The following NFAT5 variants were observed in gnomAD, a reference collection of about 807,000 sequenced individuals.
NFAT5 encodes the protein nuclear factor of activated T-cells 5.
NFAT5 carries 31 observed loss-of-function variants against 166.5 expected under a neutral mutation model. That is an observed-to-expected ratio of 0.19 (90% CI 0.14 to 0.25). The LOEUF is 0.25. NFAT5 is among the 10% of genes least tolerant of loss of function. The pLI is 1.00. For missense variants in NFAT5, 1,449 were observed against 1,821.8 expected (o/e 0.80, Z 3.72); for synonymous variants, 612 against 639.7 (o/e 0.96, Z 0.65).
intron 2 of NFAT5, among the ~76,000 whole-genome samples, chr16:69,583,533 A>G (rs564809128): frequency 6.6e-6 from 1 of 152,214 alleles, no homozygotes; most frequent in Non-Finnish European, 1.5e-5. Flanking sequence ...GTATTTAAAC[A>G]CAAGATTATG....
chr16:69,654,006 G>A (rs1225000523), intron 5 of NFAT5, among the ~76,000 whole-genome samples: 1 of 151,244 alleles, frequency 6.6e-6, no homozygotes, highest in Non-Finnish European at 1.5e-5. Flanking sequence ...AGTACAGGAG[G>A]AAAGAAGGAA....
chr16:69,684,162 G>A (rs1324565699), intron 10 of NFAT5, among the ~76,000 whole-genome samples: 1 of 151,606 alleles, frequency 6.6e-6, no homozygotes, highest in Non-Finnish European at 1.5e-5. Flanking sequence ...AAGAGGCTGA[G>A]GCAGGAGAAT....
intron 1 of NFAT5, among the ~76,000 whole-genome samples, chr16:69,567,405 G>C (rs1359686147): frequency 6.6e-6 from 1 of 152,036 alleles, no homozygotes; most frequent in Non-Finnish European, 1.5e-5. Flanking sequence ...CGCTCTTTAC[G>C]CTTTTTAAAC....
At chr16:69,598,927 T>G (rs2032966798) in intron 2 of NFAT5, among the ~76,000 whole-genome samples, 1 of 149,074 alleles carries the variant, frequency 6.7e-6, no homozygotes, top group Non-Finnish European at 1.5e-5. Context: ...GGCAGGAAAA[T>G]CACTTGAACC....
At chr16:69,576,291 C>CAAAA (rs35557444) in intron 2 of NFAT5, among the ~76,000 whole-genome samples, 8 of 55,284 alleles carry the variant, frequency 1.4e-4, no homozygotes, top group Admixed American at 2.0e-4. Flanking sequence ...GACTCGGTCT[C>CAAAA]AAAAAAAAAA....
At chr16:69,631,867 T>A (rs1034275228) in intron 3 of NFAT5, among the ~76,000 whole-genome samples, 1 of 152,212 alleles carries the variant, frequency 6.6e-6, no homozygotes, top group Non-Finnish European at 1.5e-5. Context: ...CTTGGTTGAA[T>A]ATCTCCACTT....
intron 9 of NFAT5, among the ~76,000 whole-genome samples, chr16:69,674,041 G>A (rs1010697532): frequency 1.3e-5 from 2 of 151,762 alleles, no homozygotes; most frequent in African/African-American, 4.8e-5. Flanking sequence ...TCAGGAGTTC[G>A]CGACCAGCCT....
At chr16:69,649,376 T>C (rs1357049354) in intron 4 of NFAT5, 1 of 975,582 alleles carries the variant, frequency 1.0e-6, no homozygotes, top group Non-Finnish European at 1.2e-6. Context: ...TAGTAAACAG[T>C]GATTTGCAGT....
intron 2 of NFAT5, among the ~76,000 whole-genome samples, chr16:69,568,848 T>G (rs2016268412): frequency 6.6e-6 from 1 of 152,126 alleles, no homozygotes; most frequent in Non-Finnish European, 1.5e-5. Context: ...ATACACAAAA[T>G]AGAATGTGAA....
At position 69,566,362 on chromosome 16, in the gene NFAT5, C is replaced by G. The variant is rs1446064662; in HGVS notation, c.61C>G (p.Leu21Val). Reference protein sequence around the residue: ...ADLDLESPKSLYSRDSLKLHP... With the variant: ...ADLDLESPKSVYSRDSLKLHP... ...CCTAGACCTGGAATCGCCCAAGTCC[C>G]TCTACTCGCGAGGTGAGTCAGGCTG... The change falls in exon 1 of 15, where the codon CTC (leucine) becomes GTC (valine). Residue 21 changes from leucine to valine, a missense_variant. Physicochemically the swap from Leu to Val is conservative, Grantham distance 32 (BLOSUM62 1). This residue lies in a region of NFAT5 where 172 missense variants were observed against 194.5 expected (regional missense o/e 0.88). Transcript: ENST00000349945. This position sits in a 1 kb window ranked among gnomAD's most constrained non-coding sequence, Gnocchi z 5.7. The G allele has an allele frequency of 1.2e-6, 2 of 1,605,066 alleles. No individual in the cohort carries two copies.
In NFAT5 at chr16:69,699,954, G is replaced by C. The variant is rs2037869730; in HGVS notation, c.*3603G>C. The C allele has an allele frequency of 1.3e-5, 2 of 151,798 alleles. No individual in the cohort carries two copies. Among genetic ancestry groups the C allele is most frequent in the African/African-American group, 4.8e-5 (2 of 41,272 alleles). The allele number at this position is 151,798 out of a possible 1,614,324, so 9.4% of individuals were successfully genotyped here. On this transcript the variant is annotated 3_prime_UTR_variant, in exon 15 of 15. Coordinates refer to ENST00000349945, the MANE Select transcript of NFAT5 (RefSeq NM_138713.4). The stretch of plus-strand genomic sequence containing the variant: ...AAAGTCATATTTTGCCTCTAAGCTT[G>C]ATCATGTTACCTTTATGATTAAAGT...
Position 69,647,257 on chromosome 16 carries a change from C to T in NFAT5, c.483C>T (p.Tyr161=), listed in dbSNP as rs1481354524. The change falls in exon 4 of 15, where the codon TAC becomes TAT. Residue 161 remains tyrosine, a synonymous_variant. Transcript: ENST00000349945. This position sits in a 1 kb window ranked among gnomAD's most constrained non-coding sequence, Gnocchi z 4.8. The part of the protein sequence containing the change: ...PSTPKRHTVL[Y]ISPPPEDLLD... The stretch of plus-strand genomic sequence containing the variant: ...CACCGAAGAGGCACACAGTCTTGTA[C>T]ATCTCACCACCACCTGAGGACTTGC... 3.1e-6 allele frequency: 5 copies of T among 1,614,098 alleles called. No individual in the cohort carries two copies. In the Admixed American group the frequency reaches 5.0e-5, roughly 16 times the overall value.
chr16:69,663,495 G>A (rs1428892076), intron 7 of NFAT5, among the ~76,000 whole-genome samples: 1 of 150,930 alleles, frequency 6.6e-6, no homozygotes, highest in Non-Finnish European at 1.5e-5. Flanking sequence ...AGCTACTTGG[G>A]AGGCTGAGGA....
At chr16:69,664,828 G>A (rs1431630148) in intron 7 of NFAT5, among the ~76,000 whole-genome samples, 3 of 151,966 alleles carry the variant, frequency 2.0e-5, no homozygotes, top group African/African-American at 7.2e-5. Context: ...AGGAGATTGA[G>A]ACCAGCCTGA....
At chr16:69,685,444 G>C (rs2037258993) in intron 11 of NFAT5, 1 of 151,826 alleles carries the variant, frequency 6.6e-6, no homozygotes, top group African/African-American at 2.4e-5. Context: ...CTGCTCGGGA[G>C]GCTGAGTCAG....
At chr16:69,691,625 A>T (rs2151717700) in intron 12 of NFAT5, 124 bp from the exon 13 acceptor site, 1 of 689,756 alleles carries the variant, frequency 1.4e-6, no homozygotes, top group East Asian at 2.7e-5. Context: ...TTTCTAAATG[A>T]TAATAATATA....
rs762391891 is a variant in NFAT5 at position 69,647,578 on chromosome 16, G to C, written c.804G>C (p.Ala268=). ...LTTDNKGNSK[A]GNGTLENQKG... is the part of the protein sequence containing the mutation. Reference sequence around the variant, plus strand: ...CGGACAACAAAGGCAACTCAAAAGCGGGAAATGGGTTGGTATTCACATTTT... The same window carrying C: ...CGGACAACAAAGGCAACTCAAAAGCCGGAAATGGGTTGGTATTCACATTTT... The change falls in exon 4 of 15, where the codon GCG becomes GCC. Residue 268 remains alanine (A), a synonymous_variant. Transcript: ENST00000349945. This position sits in a 1 kb window ranked among gnomAD's most constrained non-coding sequence, Gnocchi z 4.8. 3.2e-6 allele frequency: 5 copies of C among 1,571,020 alleles called. No homozygotes were observed. The African/African-American group carries it at 6.8e-5, about 21-fold the overall frequency.
intron 2 of NFAT5, among the ~76,000 whole-genome samples, chr16:69,569,429 C>T (rs1453466066): frequency 6.6e-6 from 1 of 151,464 alleles, no homozygotes; most frequent in Non-Finnish European, 1.5e-5. Context: ...TAACCAGTAA[C>T]AAACATTTTA....
chr16:69,653,824 G>C (rs893814119), intron 5 of NFAT5, among the ~76,000 whole-genome samples: 2 of 151,910 alleles, frequency 1.3e-5, no homozygotes, highest in South Asian at 4.1e-4. Flanking sequence ...CTCCCGCCTT[G>C]GAGGAAGAAA....
Sources: gnomAD v4.1 joint callset for allele counts (sites outside exome capture counted in the v4.1 genomes callset) on GRCh38, gnomAD v4.1.1 for gene constraint, gnomAD v4.1.1 regional missense constraint, Gnocchi (gnomAD v3.1) non-coding constraint, MANE v1.5 for transcripts, NCBI Gene and HGNC (gene_info 2026-07-23, HGNC 2026-07-21) for gene names.